Variants in ZNF385D observed in about 807,000 individuals in gnomAD.
The protein encoded by ZNF385D is zinc finger protein 659.
Under a neutral mutation model 35.8 loss-of-function variants are expected in ZNF385D, and 15 were observed. The observed-to-expected ratio is 0.42, with a 90% CI of 0.28 to 0.64. The LOEUF (loss-of-function observed/expected upper bound fraction) is 0.64. Ranked by LOEUF, ZNF385D falls within the 30% of genes least tolerant of loss-of-function variation. The probability of loss-of-function intolerance (pLI) is 0.23; values close to 1 mark genes in which losing one functional copy is unlikely to be tolerated. For synonymous variants in ZNF385D, 212 were observed against 186.8 expected (o/e 1.13, Z -1.10); for missense variants, 474 against 494.6 (o/e 0.96, Z 0.39).
chr3:21,438,075 C>T (rs947041197), intron 4 of ZNF385D, among the ~76,000 whole-genome samples: 16 of 152,170 alleles, frequency 1.1e-4, no homozygotes, highest in Admixed American at 6.6e-5. Flanking sequence ...AGAGATCAAT[C>T]TCCAAAGTAA....
chr3:22,168,967 C>T (rs1706512611), exon 3 of ZNF385D: 1 of 985,674 alleles, frequency 1.0e-6, no homozygotes, highest in South Asian at 4.7e-5. Flanking sequence ...TTTTCTCTTT[C>T]TGGTTTTTCT....
intron 3 of ZNF385D, among the ~76,000 whole-genome samples, chr3:21,859,415 A>G (rs1696916628): frequency 1.3e-5 from 2 of 151,944 alleles, no homozygotes. Context: ...CAGAAAAAAA[A>G]AAAAACTGAA....
intron 2 of ZNF385D, among the ~76,000 whole-genome samples, chr3:21,662,421 C>A (rs1160742135): frequency 6.6e-6 from 1 of 152,190 alleles, no homozygotes; most frequent in African/African-American, 2.4e-5. Flanking sequence ...GATTTCCCTC[C>A]AGCCTGATGA....
intron 3 of ZNF385D, among the ~76,000 whole-genome samples, chr3:21,785,634 A>G (rs1375517020): frequency 2.0e-5 from 3 of 152,190 alleles, no homozygotes; most frequent in Non-Finnish European, 4.4e-5. Flanking sequence ...GATTTCACAT[A>G]TAAGTGACAT....
intron 3 of ZNF385D, among the ~76,000 whole-genome samples, chr3:22,110,759 G>A: frequency 6.6e-6 from 1 of 150,574 alleles, no homozygotes; most frequent in East Asian, 1.9e-4. Flanking sequence ...TGCCCGTTGT[G>A]AACATGTACC....
intron 3 of ZNF385D, among the ~76,000 whole-genome samples, chr3:21,815,039 C>G (rs1357294522): frequency 6.6e-6 from 1 of 152,204 alleles, no homozygotes; most frequent in African/African-American, 2.4e-5. Flanking sequence ...TCACTCAAAA[C>G]TGCACAACTA....
Position 21,622,443 on chromosome 3 carries a change from A to G in ZNF385D, c.165+42443T>C, listed in dbSNP as rs183514135. On this transcript the variant is annotated intron_variant, in intron 2 of 7. Coordinates refer to ENST00000281523, the MANE Select transcript of ZNF385D (RefSeq NM_024697.3). Reference sequence around the variant, plus strand: ...GAGAAGTCAAGTGATGGAATAAATTAAGGCCTACATTTTGAGTGAGAAGAT... The same window carrying G: ...GAGAAGTCAAGTGATGGAATAAATTGAGGCCTACATTTTGAGTGAGAAGAT... 4.6e-5 allele frequency among the ~76,000 whole-genome samples: 7 copies of G among 152,258 alleles called. No homozygotes were observed. In the East Asian group the frequency reaches 9.7e-4, roughly 21 times the overall value.
intron 3 of ZNF385D, among the ~76,000 whole-genome samples, chr3:21,904,382 T>C (rs1293149101): frequency 6.6e-6 from 1 of 152,010 alleles, no homozygotes; most frequent in African/African-American, 2.4e-5. Flanking sequence ...TATATTTTTC[T>C]GCTTGTTTCA....
At chr3:22,120,559 T>A (rs1433102129) in intron 3 of ZNF385D, among the ~76,000 whole-genome samples, 1 of 152,160 alleles carries the variant, frequency 6.6e-6, no homozygotes, top group Non-Finnish European at 1.5e-5. Context: ...AACACTTAAA[T>A]ATTTCAGCTT....
chr3:21,453,510 C>A (rs1387299438), intron 4 of ZNF385D, among the ~76,000 whole-genome samples: 1 of 151,804 alleles, frequency 6.6e-6, no homozygotes, highest in East Asian at 1.9e-4. Context: ...AGAACACTTA[C>A]AAATCCACGA....
chr3:21,431,075 A>C (rs1245073875), intron 5 of ZNF385D: 1 of 152,310 alleles, frequency 6.6e-6, no homozygotes, highest in East Asian at 1.9e-4. Context: ...CAGTAGTAAC[A>C]CATTTTCACA....
chr3:22,320,952 C>A (rs1694382025), intron 2 of ZNF385D, among the ~76,000 whole-genome samples: 1 of 151,652 alleles, frequency 6.6e-6, no homozygotes, highest in Admixed American at 6.6e-5. Flanking sequence ...GGATCGTTAA[C>A]AAAAGTAAAC....
chr3:21,946,937 C>A (rs1469127354), intron 3 of ZNF385D, among the ~76,000 whole-genome samples: 2 of 152,126 alleles, frequency 1.3e-5, no homozygotes, highest in African/African-American at 4.8e-5. Flanking sequence ...TGCAGATCTA[C>A]CATAATTATT....
At chr3:22,287,457 C>T (rs918478818) in intron 2 of ZNF385D, among the ~76,000 whole-genome samples, 5 of 151,922 alleles carry the variant, frequency 3.3e-5, no homozygotes, top group African/African-American at 1.2e-4. Flanking sequence ...TCCTCTCTTG[C>T]TGTCTTTGCG....
chr3:21,431,338 T>C (rs960139157), intron 5 of ZNF385D, among the ~76,000 whole-genome samples: 2 of 152,174 alleles, frequency 1.3e-5, no homozygotes, highest in Non-Finnish European at 1.5e-5. Context: ...TAATAATTCT[T>C]ATTATTAGGT....
intron 3 of ZNF385D, among the ~76,000 whole-genome samples, chr3:22,004,538 A>G (rs1328960600): frequency 2.0e-5 from 3 of 152,230 alleles, no homozygotes; most frequent in Non-Finnish European, 2.9e-5. Context: ...TTCATCTGAC[A>G]AAAGGCTAAT....
chr3:21,932,089 T>A (rs112530337), intron 3 of ZNF385D, among the ~76,000 whole-genome samples: 1 of 139,106 alleles, frequency 7.2e-6, no homozygotes, highest in Non-Finnish European at 1.5e-5. Flanking sequence ...ATGGTGTGAA[T>A]CCTGGAGGCG....
chr3:21,448,974 G>T (rs568813328), intron 4 of ZNF385D, among the ~76,000 whole-genome samples: 2 of 151,764 alleles, frequency 1.3e-5, no homozygotes, highest in Admixed American at 1.3e-4. Context: ...TAAAAAAGTC[G>T]ATCTTTCTTT....
chr3:22,104,059 G>A (rs965450322), intron 3 of ZNF385D, among the ~76,000 whole-genome samples: 5 of 152,080 alleles, frequency 3.3e-5, no homozygotes, highest in African/African-American at 1.2e-4. Flanking sequence ...CAGCCTTGGG[G>A]AGTGAGGGAC....
Sources: allele counts gnomAD v4.1 joint callset (sites outside exome capture counted in the v4.1 genomes callset), GRCh38; gene constraint gnomAD v4.1.1; transcripts MANE v1.5; gene names NCBI Gene and HGNC (gene_info 2026-07-23, HGNC 2026-07-21).